Variants in AGAP1 observed in about 807,000 individuals in gnomAD.
AGAP1 encodes the protein ArfGAP with GTPase domain, ankyrin repeat and PH domain 1, also known as arf-GAP with GTPase, ANK repeat and PH domain-containing protein 1.
In AGAP1, 29 loss-of-function variants were observed where a neutral mutation model predicts 105.3. The observed-to-expected ratio is 0.28, with a 90% CI of 0.21 to 0.38. The LOEUF is 0.38. Among genes scored for constraint, AGAP1 ranks in the 10% least tolerant of loss-of-function variants. The pLI, the probability that AGAP1 is intolerant of heterozygous loss-of-function variation, is 1.00. For missense variants in AGAP1, 998 were observed against 1,165.1 expected (o/e 0.86, Z 2.09); for synonymous variants, 509 against 485.9 (o/e 1.05, Z -0.63).
rs1314189975 is a variant in AGAP1 at position 236,092,556 on chromosome 2, G to T, written c.2115-27636G>T. On this transcript the variant is annotated intron_variant, in intron 16 of 17. Transcript: ENST00000304032. The surrounding 1 kb of genome is among the most constrained non-coding windows in gnomAD (Gnocchi z 4.7). Reference sequence around the variant, plus strand: ...TTACAGGTGTCCGCCACCGTGCCCAGCTAATTTTTGTATTTTTATTAGAGA... The same window carrying T: ...TTACAGGTGTCCGCCACCGTGCCCATCTAATTTTTGTATTTTTATTAGAGA... 6.6e-6 allele frequency among the ~76,000 whole-genome samples: 1 copy of T among 152,182 alleles called. No individual in the cohort carries two copies. The highest frequency in any genetic ancestry group is 2.1e-4 in the South Asian group (1 of 4,814).
In AGAP1 at chr2:235,973,909, C is replaced by T. The variant is rs2054756013; in HGVS notation, c.1645+5286C>T. Among the ~76,000 whole-genome samples the T allele has an allele frequency of 6.6e-6, 1 of 152,066 alleles. No homozygotes were observed. Among genetic ancestry groups the T allele is most frequent in the Non-Finnish European group, 1.5e-5 (1 of 68,014 alleles). On this transcript the variant is annotated intron_variant, in intron 13 of 17. Coordinates refer to ENST00000304032, the MANE Select transcript of AGAP1 (RefSeq NM_001037131.3). This position sits in a 1 kb window ranked among gnomAD's most constrained non-coding sequence, Gnocchi z 4.7. ...TATGTGCCAGGGAAAAGCGCCTGGG[C>T]AGTGGGATTTTGCAGATCTTTAATG...
rs185159595 is a variant in AGAP1, at chr2:236,003,516, G to A, written c.1646-33045G>A. ...GAGGTGGACTCTGAGCACAGACAAG[G>A]GACCCATGGCCCAGAGCCCAGAGTC... On this transcript the variant is annotated intron_variant, in intron 13 of 17. Coordinates refer to ENST00000304032, the MANE Select transcript of AGAP1 (RefSeq NM_001037131.3). The surrounding 1 kb of genome is among the most constrained non-coding windows in gnomAD (Gnocchi z 4.2). Among the ~76,000 whole-genome samples the A allele has an allele frequency of 6.6e-6, 1 of 152,190 alleles. No individual in the cohort carries two copies. The highest frequency in any genetic ancestry group is 1.5e-5 in the Non-Finnish European group (1 of 68,008).
chr2:235,909,739 G>A (rs1305265416), intron 11 of AGAP1, among the ~76,000 whole-genome samples: 1 of 152,140 alleles, frequency 6.6e-6, no homozygotes, highest in Non-Finnish European at 1.5e-5. Context: ...ACAGATTTCT[G>A]GCTAGGCGCA....
rs571946626 is a variant in AGAP1, at chr2:235,698,800, G to T, written c.164-10379G>T. 2.2e-3 allele frequency among the ~76,000 whole-genome samples: 334 copies of T among 152,328 alleles called. 4 individuals carry two copies. The highest frequency in any genetic ancestry group is 7.5e-3 in the African/African-American group (313 of 41,572). On this transcript the variant is annotated intron_variant, in intron 1 of 17. Coordinates refer to ENST00000304032, the MANE Select transcript of AGAP1 (RefSeq NM_001037131.3). ...TTGTTATTGTAGCAGCTTGATGGTT[G>T]CATAATTATTCATCATACCTATCAC...
At chr2:235,637,968 G>A (rs1002055659) in intron 1 of AGAP1, among the ~76,000 whole-genome samples, 20 of 152,118 alleles carry the variant, frequency 1.3e-4, no homozygotes, top group African/African-American at 4.6e-4. Flanking sequence ...ATTGGGTGAT[G>A]CCCTCTGCAT....
intron 1 of AGAP1, among the ~76,000 whole-genome samples, chr2:235,628,161 G>C (rs537618181): frequency 6.6e-6 from 1 of 152,252 alleles, no homozygotes; most frequent in South Asian, 2.1e-4. Flanking sequence ...AGTGGTGAGC[G>C]GATGGGGAGA....
rs148026870 is a variant in AGAP1 at position 235,602,992 on chromosome 2, G to A, written c.164-106187G>A. On this transcript the variant is annotated intron_variant, in intron 1 of 17. Transcript: ENST00000304032. The stretch of plus-strand genomic sequence containing the variant: ...GCTGGGATTGCAGGCGTGAGCCACC[G>A]TGCCTGGCCCATCGGACACACTTCT... Among the ~76,000 whole-genome samples the A allele has an allele frequency of 7.7e-4, 117 of 152,254 alleles. 1 individual carries two copies. The South Asian group carries it at 0.012, about 15-fold the overall frequency.
At chr2:235,815,100 G>A (rs1420071759) in intron 9 of AGAP1, among the ~76,000 whole-genome samples, 1 of 152,166 alleles carries the variant, frequency 6.6e-6, no homozygotes, top group East Asian at 1.9e-4. Context: ...TACCTAGGAA[G>A]TGCCACGCTC....
intron 16 of AGAP1, among the ~76,000 whole-genome samples, chr2:236,068,757 G>T (rs1164587052): frequency 7.3e-6 from 1 of 136,978 alleles, no homozygotes; most frequent in African/African-American, 2.8e-5. Flanking sequence ...CCAAGATCGC[G>T]CCACTGCACT....
intron 13 of AGAP1, among the ~76,000 whole-genome samples, chr2:235,986,822 C>T (rs1411191268): frequency 6.6e-6 from 1 of 152,082 alleles, no homozygotes; most frequent in African/African-American, 2.4e-5. Flanking sequence ...GGGATGAAGC[C>T]GACTTGATCA....
At chr2:235,791,623 C>T (rs1007224714) in intron 6 of AGAP1, among the ~76,000 whole-genome samples, 2 of 152,136 alleles carry the variant, frequency 1.3e-5, no homozygotes, top group African/African-American at 4.8e-5. Flanking sequence ...TCACGGCTCA[C>T]TGCAACCTCT....
At chr2:235,990,871 A>T (rs1288202898) in intron 13 of AGAP1, among the ~76,000 whole-genome samples, 1 of 152,246 alleles carries the variant, frequency 6.6e-6, no homozygotes, top group African/African-American at 2.4e-5. Context: ...TGTGATCAAC[A>T]CAATGGAACA....
At chr2:235,702,934 G>GTTTTTTTTTTTTGTTTTTTTTTT (rs1950330225) in intron 1 of AGAP1, among the ~76,000 whole-genome samples, 3 of 88,960 alleles carry the variant, frequency 3.4e-5, no homozygotes, top group Admixed American at 3.0e-4. Context: ...AGTTTTCTTG[G>GTTTTTTTTTTTTGTTTTTTTTTT]TTTTTTTTTT....
intron 16 of AGAP1, among the ~76,000 whole-genome samples, chr2:236,117,490 T>G (rs1186567069): frequency 1.3e-5 from 2 of 152,210 alleles, no homozygotes; most frequent in Non-Finnish European, 1.5e-5. Flanking sequence ...GTACTCATTC[T>G]TTGGCTGGGG....
chr2:235,514,356 T>A (rs906175266), intron 1 of AGAP1, among the ~76,000 whole-genome samples: 1 of 152,246 alleles, frequency 6.6e-6, no homozygotes, highest in African/African-American at 2.4e-5. Context: ...CCTTAAGCCT[T>A]TTTAGAAGGA....
At chr2:235,991,336 G>T (rs949574886) in intron 13 of AGAP1, among the ~76,000 whole-genome samples, 1 of 152,074 alleles carries the variant, frequency 6.6e-6, no homozygotes, top group Non-Finnish European at 1.5e-5. Context: ...TATTTGTAGG[G>T]TTTATTCTCT....
chr2:235,576,749 T>G (rs900352318), intron 1 of AGAP1, among the ~76,000 whole-genome samples: 3 of 152,218 alleles, frequency 2.0e-5, no homozygotes, highest in African/African-American at 7.2e-5. Context: ...GGAGCATCAT[T>G]AGCTGCAGCT....
At chr2:236,026,662 G>T (rs947888688) in intron 13 of AGAP1, among the ~76,000 whole-genome samples, 5 of 152,186 alleles carry the variant, frequency 3.3e-5, no homozygotes, top group Non-Finnish European at 7.3e-5. Flanking sequence ...CTGGGAGGGG[G>T]AGGTTGCAGT....
intron 1 of AGAP1, among the ~76,000 whole-genome samples, chr2:235,644,921 G>A (rs544400665): frequency 1.0e-3 from 157 of 151,440 alleles, no homozygotes; most frequent in Non-Finnish European, 1.9e-3. Context: ...GGAGACAAGA[G>A]TTTTACTCTT....
Sources: allele counts gnomAD v4.1 joint callset (sites outside exome capture counted in the v4.1 genomes callset), GRCh38; gene constraint gnomAD v4.1.1; non-coding constraint Gnocchi (gnomAD v3.1); transcripts MANE v1.5; gene names NCBI Gene and HGNC (gene_info 2026-07-23, HGNC 2026-07-21).